The following LITAF variants were observed in gnomAD, a reference collection of about 807,000 sequenced individuals.
LITAF encodes the protein lipopolysaccharide induced TNF factor, also known as lipopolysaccharide-induced tumor necrosis factor-alpha factor.
A neutral mutation model predicts 14.5 loss-of-function variants in LITAF; 9 were observed. The observed-to-expected ratio is 0.62, with a 90% CI of 0.37 to 1.08. LITAF has a LOEUF of 1.08. LITAF is among the 50% of genes least tolerant of loss of function. The pLI, the probability that LITAF is intolerant of heterozygous loss-of-function variation, is 0.01. For missense variants in LITAF, 206 were observed against 213.4 expected (o/e 0.97, Z 0.22); for synonymous variants, 98 against 88.2 (o/e 1.11, Z -0.62).
At chr16:11,563,275 A>G (rs2141751577) in intron 1 of LITAF, among the ~76,000 whole-genome samples, 1 of 152,164 alleles carries the variant, frequency 6.6e-6, no homozygotes, top group African/African-American at 2.4e-5. Context: ...CAGCCTCCCG[A>G]GTAGCTGGGA....
At chr16:11,602,638 C>T (rs549987817), upstream of LITAF, among the ~76,000 whole-genome samples, 1 of 152,062 alleles carries the variant, frequency 6.6e-6, no homozygotes, top group South Asian at 2.1e-4. Flanking sequence ...ATGGAATAGA[C>T]TACACAACTC....
intron 3 of LITAF, among the ~76,000 whole-genome samples, chr16:11,606,528 C>G (rs1050219566): frequency 6.6e-6 from 1 of 152,166 alleles, no homozygotes; most frequent in Non-Finnish European, 1.5e-5. Context: ...GTGAAACAGG[C>G]TTACTGCTGA....
upstream of LITAF, among the ~76,000 whole-genome samples, chr16:11,599,038 T>G (rs1330289430): frequency 6.6e-6 from 1 of 151,940 alleles, no homozygotes; most frequent in African/African-American, 2.4e-5. Flanking sequence ...CAGGCTGGTT[T>G]CAAACTCCTG....
intron 3 of LITAF, among the ~76,000 whole-genome samples, chr16:11,623,083 T>A (rs972793346): frequency 2.1e-4 from 32 of 151,508 alleles, no homozygotes; most frequent in African/African-American, 7.3e-4. Context: ...TTTGCCTCAG[T>A]CAACTGAGTA....
upstream of LITAF, among the ~76,000 whole-genome samples, chr16:11,590,351 A>G (rs1003327152): frequency 1.1e-4 from 13 of 118,008 alleles, 6 homozygotes; most frequent in African/African-American, 3.6e-4. Context: ...ATATACATAT[A>G]TAGATGGTAC....
At chr16:11,563,566 G>A (rs77602775) in intron 1 of LITAF, among the ~76,000 whole-genome samples, 264 of 152,192 alleles carry the variant, frequency 1.7e-3, no homozygotes, top group African/African-American at 5.7e-3. Flanking sequence ...ATGAAAGTGC[G>A]TTTACTGTGC....
At chr16:11,611,005 G>C (rs1271407977) in intron 3 of LITAF, among the ~76,000 whole-genome samples, 1 of 151,998 alleles carries the variant, frequency 6.6e-6, no homozygotes, top group East Asian at 1.9e-4. Flanking sequence ...AAGTCAAGGA[G>C]AAGGCGCCTA....
Position 11,592,260 on chromosome 16 carries a change from A to G in LITAF, c.-6+6128T>C, listed in dbSNP as rs116243486. ...ACTTTTACAACTCAGCAATAAAAAA[A>G]CAACAAACAACCTAGTGTAAAAATG... On this transcript the variant is annotated intron_variant, in intron 1 of 3. Coordinates refer to the LITAF transcript ENST00000571627. Among the ~76,000 whole-genome samples the G allele has an allele frequency of 3.1e-3, 468 of 152,302 alleles. 2 individuals carry two copies. Among genetic ancestry groups the G allele is most frequent in the African/African-American group, 0.011 (452 of 41,578 alleles).
intron 3 of LITAF, among the ~76,000 whole-genome samples, chr16:11,604,970 A>G (rs189590486): frequency 6.6e-6 from 1 of 152,268 alleles, no homozygotes; most frequent in East Asian, 1.9e-4. Context: ...GATGTGAAAC[A>G]TCTGTTCTCC....
chr16:11,579,655 C>A (rs975687820), intron 1 of LITAF, among the ~76,000 whole-genome samples: 2 of 152,136 alleles, frequency 1.3e-5, no homozygotes, highest in Non-Finnish European at 2.9e-5. Context: ...TCATCAGTTT[C>A]TTGGTTTGAC....
intron 1 of LITAF, among the ~76,000 whole-genome samples, chr16:11,578,783 T>C (rs115224787): frequency 1.3e-5 from 2 of 152,222 alleles, no homozygotes; most frequent in African/African-American, 4.8e-5. Flanking sequence ...CAACCCTGAT[T>C]TGAGGGAAAT....
rs911868019 is a variant in LITAF at position 11,586,597 on chromosome 16, G to A, written c.-6+289C>T. Reference sequence around the variant, plus strand: ...GGCCGCGAAGGGCGCTCGTTCGGGTGGGGGCCGGACGACCCCGCCACGCGC... The same window carrying A: ...GGCCGCGAAGGGCGCTCGTTCGGGTAGGGGCCGGACGACCCCGCCACGCGC... On this transcript the variant is annotated intron_variant, in intron 1 of 3. Coordinates refer to ENST00000622633, the MANE Select transcript of LITAF (RefSeq NM_001136472.2). The surrounding 1 kb of genome is among the most constrained non-coding windows in gnomAD (Gnocchi z 6.5). Among the ~76,000 whole-genome samples the A allele has an allele frequency of 2.6e-5, 4 of 151,790 alleles. No homozygotes were observed. Among genetic ancestry groups the A allele is most frequent in the Non-Finnish European group, 5.9e-5 (4 of 67,816 alleles).
intron 3 of LITAF, among the ~76,000 whole-genome samples, chr16:11,609,578 G>GA (rs2064971893): frequency 1.3e-5 from 2 of 152,054 alleles, no homozygotes; most frequent in Admixed American, 1.3e-4. Flanking sequence ...AACACTCTTG[G>GA]AAAAAAGAAA....
At chr16:11,575,301 T>G (rs921185992) in intron 1 of LITAF, 5 of 152,104 alleles carry the variant, frequency 3.3e-5, no homozygotes, top group Non-Finnish European at 7.3e-5. Context: ...TTTCTTTTTT[T>G]GTTTTGGGAG....
intron 1 of LITAF, chr16:11,584,242 C>G (rs576714086): frequency 6.6e-6 from 1 of 152,252 alleles, no homozygotes; most frequent in Admixed American, 6.5e-5. Context: ...AAAGCGAAAA[C>G]AAATAGAGGA....
intron 1 of LITAF, among the ~76,000 whole-genome samples, chr16:11,561,931 AAG>A (rs1174115957): frequency 5.9e-5 from 9 of 151,660 alleles, no homozygotes; most frequent in African/African-American, 1.9e-4. Context: ...GGGAGAAAGA[AAG>A]AGAGAAACAG....
At chr16:11,581,683 G>A (rs2064738513) in intron 1 of LITAF, among the ~76,000 whole-genome samples, 1 of 151,984 alleles carries the variant, frequency 6.6e-6, no homozygotes, top group Non-Finnish European at 1.5e-5. Context: ...GGGGGTAAAG[G>A]AGAGTTTCTG....
chr16:11,580,820 G>A (rs1385024626), intron 1 of LITAF, among the ~76,000 whole-genome samples: 7 of 151,886 alleles, frequency 4.6e-5, no homozygotes, highest in Non-Finnish European at 1.0e-4. Context: ...GCGGGAGTGC[G>A]GTGGCACTAT....
intron 1 of LITAF, among the ~76,000 whole-genome samples, chr16:11,570,510 C>T (rs938203781): frequency 5.3e-5 from 8 of 152,182 alleles, no homozygotes; most frequent in African/African-American, 1.4e-4. Flanking sequence ...CACCCCTACC[C>T]GCAGTGTGGG....
Sources: gnomAD v4.1 joint callset for allele counts (sites outside exome capture counted in the v4.1 genomes callset) on GRCh38, gnomAD v4.1.1 for gene constraint, Gnocchi (gnomAD v3.1) non-coding constraint, MANE v1.5 for transcripts, NCBI Gene and HGNC (gene_info 2026-07-23, HGNC 2026-07-21) for gene names.